The following PHKB variants were observed in gnomAD, a reference collection of about 807,000 sequenced individuals.
The protein encoded by PHKB is phosphorylase kinase regulatory subunit beta, also known as phosphorylase b kinase regulatory subunit beta.
A neutral mutation model predicts 152.1 loss-of-function variants in PHKB; 122 were observed. The ratio of observed to expected loss-of-function variants is 0.80; its 90% CI spans 0.69 to 0.93. The LOEUF is 0.93. Among genes scored for constraint, PHKB ranks in the 40% least tolerant of loss-of-function variants. The probability of loss-of-function intolerance (pLI) is 0.00; values close to 1 mark genes in which losing one functional copy is unlikely to be tolerated. For missense variants in PHKB, 1,304 were observed against 1,328.4 expected (o/e 0.98, Z 0.29); for synonymous variants, 436 against 464.9 (o/e 0.94, Z 0.80).
At chr16:47,638,308 C>T (rs1007788188) in intron 14 of PHKB, among the ~76,000 whole-genome samples, 1 of 152,124 alleles carries the variant, frequency 6.6e-6, no homozygotes, top group African/African-American at 2.4e-5. Context: ...CAAATCTAGA[C>T]AAGGAAGAGG....
rs1008511269 is a variant in PHKB, at chr16:47,482,727, A to AT, written c.77-14662dup. Among the ~76,000 whole-genome samples, 10 of 150,456 alleles carry AT rather than the reference A, an allele frequency of 6.6e-5. No individual in the cohort carries two copies. The East Asian group carries it at 7.8e-4, about 12-fold the overall frequency. On this transcript the variant is annotated intron_variant, in intron 1 of 30. Coordinates refer to ENST00000323584, the MANE Select transcript of PHKB (RefSeq NM_000293.3). ...ATAATAACAAGACATAATACAATTA[A>AT]TTTTTTTTTTGAGATAGGTTCTGAC...
chr16:47,507,254 C>T (rs771146174), intron 4 of PHKB, among the ~76,000 whole-genome samples: 45 of 151,886 alleles, frequency 3.0e-4, no homozygotes, highest in Non-Finnish European at 4.4e-4. Flanking sequence ...GGGTTACAGG[C>T]GTGAGCCACC....
intron 10 of PHKB, among the ~76,000 whole-genome samples, chr16:47,592,434 C>G (rs1285250926): frequency 6.6e-6 from 1 of 152,198 alleles, no homozygotes; most frequent in Non-Finnish European, 1.5e-5. Context: ...TACTGAATTG[C>G]TGGTAGATTC....
chr16:47,648,640 A>G (rs1240036228), intron 17 of PHKB, 24 bp downstream of exon 17: 1 of 1,552,208 alleles, frequency 6.4e-7, no homozygotes, highest in South Asian at 1.1e-5. Context: ...GTCCTCAAAA[A>G]GTAGTTTTTG....
intron 8 of PHKB, among the ~76,000 whole-genome samples, chr16:47,581,991 C>T (rs910562420): frequency 6.6e-6 from 1 of 152,044 alleles, no homozygotes; most frequent in African/African-American, 2.4e-5. Flanking sequence ...ACTCTTGTTG[C>T]TATTATTTAT....
chr16:47,547,744 A>G (rs564407792), intron 7 of PHKB, 196 bp downstream of exon 7: 19 of 540,034 alleles, frequency 3.5e-5, no homozygotes, highest in Admixed American at 2.2e-4. Context: ...AACAGATGCA[A>G]GAAAGAAGTA....
In PHKB at chr16:47,601,421, T is replaced by C. The variant is rs1291331936; in HGVS notation, c.1363+4890T>C. Among the ~76,000 whole-genome samples the C allele has an allele frequency of 2.0e-5, 3 of 152,236 alleles. No individual in the cohort carries two copies. The South Asian group carries it at 6.2e-4, about 32-fold the overall frequency. ...TATCAGCTTTTAAAAATCTGACTTCTAGGGCCAGGTGTGGTGGCTCATGCC... is the reference window on the plus strand; with the variant it reads ...TATCAGCTTTTAAAAATCTGACTTCCAGGGCCAGGTGTGGTGGCTCATGCC... On this transcript the variant is annotated intron_variant, in intron 13 of 30. Transcript: ENST00000323584.
chr16:47,565,187 T>C (rs1971544903), intron 7 of PHKB: 1 of 601,494 alleles, frequency 1.7e-6, no homozygotes, highest in Non-Finnish European at 3.2e-6. Flanking sequence ...CTTGGGTTTA[T>C]ATGGCTCAGG....
intron 26 of PHKB, chr16:47,675,763 C>T (rs1384521884): frequency 1.3e-5 from 2 of 152,174 alleles, no homozygotes; most frequent in African/African-American, 2.4e-5. Context: ...GTCACCTCTC[C>T]GTCACCTGGT....
intron 6 of PHKB, among the ~76,000 whole-genome samples, chr16:47,544,568 A>G (rs566286532): frequency 4.6e-4 from 70 of 152,296 alleles, no homozygotes; most frequent in South Asian, 2.1e-3. Flanking sequence ...TATTCTGTTG[A>G]TTTGGGGTGT....
intron 7 of PHKB, among the ~76,000 whole-genome samples, chr16:47,573,159 T>G (rs561020769): frequency 6.6e-6 from 1 of 152,228 alleles, no homozygotes; most frequent in East Asian, 1.9e-4. Flanking sequence ...AGCAGTAGGA[T>G]TCACAGTGAA....
chr16:47,463,638 A>G (rs1436318607), intron 1 of PHKB: 2 of 405,912 alleles, frequency 4.9e-6, no homozygotes, highest in Non-Finnish European at 4.6e-6. Flanking sequence ...ACTTCACTGC[A>G]CAACAGAGGA....
At chr16:47,667,051 T>C (rs1042618497) in intron 25 of PHKB, among the ~76,000 whole-genome samples, 2 of 152,214 alleles carry the variant, frequency 1.3e-5, no homozygotes, top group African/African-American at 4.8e-5. Flanking sequence ...TATTCATCCT[T>C]ACATTTAGCT....
chr16:47,694,125 C>T (rs1216184659), intron 28 of PHKB, among the ~76,000 whole-genome samples: 1 of 152,220 alleles, frequency 6.6e-6, no homozygotes, highest in Non-Finnish European at 1.5e-5. Context: ...GGTCATTGGA[C>T]AGACAATCAC....
intron 7 of PHKB, among the ~76,000 whole-genome samples, chr16:47,557,352 G>A (rs1178367181): frequency 1.3e-5 from 2 of 152,132 alleles, no homozygotes; most frequent in Non-Finnish European, 2.9e-5. Flanking sequence ...AACACCAAAA[G>A]CAATGGCAAC....
rs761553427 is a variant in PHKB, at chr16:47,594,223, G to GT, written c.1204+16dup. On this transcript the variant is annotated intron_variant, in intron 12 of 30. Coordinates refer to ENST00000323584, the MANE Select transcript of PHKB (RefSeq NM_000293.3). ...TCATCATACCACAGAAGGTATAGTTGTTTTTTTAAGAAATTCTTCCTACCA... is the reference window on the plus strand; with the variant it reads ...TCATCATACCACAGAAGGTATAGTTGTTTTTTTTAAGAAATTCTTCCTACCA... 2.8e-6 allele frequency: 4 copies of GT among 1,415,434 alleles called. No individual in the cohort carries two copies. Among genetic ancestry groups the GT allele is most frequent in the East Asian group, 2.3e-5 (1 of 43,816 alleles). The allele number at this position is 1,415,434 out of a possible 1,614,324, so 87.7% of individuals were successfully genotyped here.
chr16:47,484,560 G>A (rs748211263), intron 1 of PHKB, among the ~76,000 whole-genome samples: 2 of 152,154 alleles, frequency 1.3e-5, no homozygotes, highest in African/African-American at 2.4e-5. Flanking sequence ...AAGGCTCAAT[G>A]CTTCTCAGTG....
intron 1 of PHKB, among the ~76,000 whole-genome samples, chr16:47,480,228 T>TTAGC (rs904770643): frequency 6.6e-6 from 1 of 152,140 alleles, no homozygotes; most frequent in African/African-American, 2.4e-5. Context: ...GTATAACTGG[T>TTAGC]TAGCACTAGA....
intron 6 of PHKB, among the ~76,000 whole-genome samples, chr16:47,545,281 A>C (rs1322091356): frequency 6.6e-6 from 1 of 152,156 alleles, no homozygotes; most frequent in East Asian, 1.9e-4. Context: ...CTTGTAAGGC[A>C]GGCCTGGTGG....
Sources: gnomAD v4.1 joint callset for allele counts (sites outside exome capture counted in the v4.1 genomes callset) on GRCh38, gnomAD v4.1.1 for gene constraint, MANE v1.5 for transcripts, NCBI Gene and HGNC (gene_info 2026-07-23, HGNC 2026-07-21) for gene names.